Variants in MCM6 observed in about 807,000 individuals in gnomAD.
The protein encoded by MCM6 is minichromosome maintenance complex component 6.
A neutral mutation model predicts 94.3 loss-of-function variants in MCM6; 46 were observed. That is an observed-to-expected ratio of 0.49 (90% confidence interval 0.39 to 0.62). The LOEUF is 0.62. Ranked by LOEUF, MCM6 falls within the 20% of genes least tolerant of loss-of-function variation. MCM6 has a pLI of 0.00. For synonymous variants in MCM6, 335 were observed against 351.9 expected (o/e 0.95, Z 0.54); for missense variants, 865 against 1,017.9 (o/e 0.85, Z 2.04).
chr2:135,854,549 AAAGAG>A (rs1265290445), intron 11 of MCM6, among the ~76,000 whole-genome samples: 1,321 of 24,738 alleles, frequency 0.053, 24 homozygotes, highest in African/African-American at 0.12. Flanking sequence ...AAAAAAAAAA[AAAGAG>A]AAAAAGAAAA....
intron 1 of MCM6, among the ~76,000 whole-genome samples, chr2:135,875,514 C>T (rs567941015): frequency 1.3e-5 from 2 of 152,272 alleles, no homozygotes; most frequent in Admixed American, 1.3e-4. Flanking sequence ...AAAAGCCATT[C>T]CAAACTGCTG....
At chr2:135,857,423 A>T (rs1225477142) in intron 10 of MCM6, among the ~76,000 whole-genome samples, 1 of 152,182 alleles carries the variant, frequency 6.6e-6, no homozygotes, top group Non-Finnish European at 1.5e-5. Context: ...AGATACCTCT[A>T]AGTATCTACT....
chr2:135,862,529 A>T (rs1680015327), intron 8 of MCM6, 78 bp downstream of exon 8: 11 of 1,485,220 alleles, frequency 7.4e-6, no homozygotes, highest in Non-Finnish European at 1.0e-5. Context: ...GGCCATACTG[A>T]CTGCATTCTT....
chr2:135,841,548 A>C (rs1244447065), intron 16 of MCM6, among the ~76,000 whole-genome samples: 1 of 152,230 alleles, frequency 6.6e-6, no homozygotes, highest in African/African-American at 2.4e-5. Flanking sequence ...AGCCAAGCCC[A>C]TAGAAAGGAA....
intron 7 of MCM6, among the ~76,000 whole-genome samples, chr2:135,864,699 G>A (rs960540601): frequency 2.2e-4 from 34 of 152,138 alleles, no homozygotes; most frequent in African/African-American, 8.0e-4. Flanking sequence ...AGTACATTAT[G>A]TTGTATAACT....
At position 135,844,599 on chromosome 2, in the gene MCM6, T is replaced by C. The variant is rs1679636939; in HGVS notation, c.2295A>G (p.Glu765=). 1.3e-6 allele frequency: 2 copies of C among 1,585,336 alleles called. No homozygotes were observed. The highest frequency in any genetic ancestry group is 1.7e-6 in the Non-Finnish European group (2 of 1,167,836). ...CTATGATTCTTTTTTTATTTATAAG[T>C]TCTTCTTCAGAGTCTATCTCTGATT... ...EIESEIDSEE[E]LINKKRIIEK... Residue 765 remains glutamate, a synonymous_variant, in exon 16 of 17, where the codon GAA becomes GAG. Transcript: ENST00000264156.
At position 135,846,246 on chromosome 2, in the gene MCM6, C is replaced by T. The variant is rs149553347; in HGVS notation, c.2200G>A (p.Val734Met). The T allele has an allele frequency of 7.6e-5, 123 of 1,613,980 alleles. No individual in the cohort carries two copies. The African/African-American group carries it at 1.5e-3, about 20-fold the overall frequency. ...ACCAGGTAAGCCTCACCTTCTTCCA[C>T]CTTTCTGAGGTGAAGCACAATAAGG... ...SNLIVLHLRK[V>M]EEEEDESALK... The change falls in exon 15 of 17, where the codon GTG (valine) becomes ATG (methionine). Residue 734 changes from valine to methionine, a missense_variant. Around this residue, in one of 3 missense-constraint regions of MCM6, gnomAD observed 308 missense variants for 324.5 expected, o/e 0.95. Transcript: ENST00000264156.
At chr2:135,845,506 G>A (rs892969464) in intron 15 of MCM6, among the ~76,000 whole-genome samples, 4 of 152,140 alleles carry the variant, frequency 2.6e-5, no homozygotes, top group Non-Finnish European at 5.9e-5. Flanking sequence ...AAGTTCCCAG[G>A]GGAACAAGGG....
chr2:135,875,531 C>T (rs1191747014), intron 1 of MCM6, among the ~76,000 whole-genome samples: 1 of 152,192 alleles, frequency 6.6e-6, no homozygotes, highest in East Asian at 1.9e-4. Flanking sequence ...GCTGACCCTT[C>T]ATCCTGGAGG....
intron 1 of MCM6, among the ~76,000 whole-genome samples, chr2:135,875,786 A>G (rs933722847): frequency 6.6e-6 from 1 of 152,200 alleles, no homozygotes; most frequent in Non-Finnish European, 1.5e-5. Flanking sequence ...TTTCATCAGC[A>G]CAAGAGGCGA....
intron 4 of MCM6, among the ~76,000 whole-genome samples, chr2:135,868,284 T>C (rs997955230): frequency 6.6e-6 from 1 of 152,190 alleles, no homozygotes; most frequent in African/African-American, 2.4e-5. Context: ...CAAATGGAAA[T>C]CTTACACTAA....
rs1299325505 is a variant in MCM6 at position 135,876,397 on chromosome 2, A to G, written c.-32T>C. 2.6e-6 allele frequency: 4 copies of G among 1,538,328 alleles called. No homozygotes were observed. The highest frequency in any genetic ancestry group is 3.9e-5 in the Admixed American group (2 of 51,716). ...TTAGTGCCGAGGATTCGCCTGCGCC[A>G]CGCTCGACCGCCACAAGTCGCTTTT... On this transcript the variant is annotated 5_prime_UTR_variant, in exon 1 of 17. Transcript: ENST00000264156.
intron 11 of MCM6, 131 bp downstream of exon 11, chr2:135,856,597 A>T (rs1196851266): frequency 2.3e-6 from 2 of 865,540 alleles, no homozygotes; most frequent in Non-Finnish European, 3.5e-6. Flanking sequence ...CCTTTGTCCG[A>T]TCCTGTGCCA....
At chr2:135,848,302 C>G in intron 13 of MCM6, 114 bp from the exon 14 acceptor site, 1 of 650,738 alleles carries the variant, frequency 1.5e-6, no homozygotes, top group Non-Finnish European at 2.6e-6. Flanking sequence ...CACACACACT[C>G]TCACAGTGTT....
intron 4 of MCM6, 106 bp downstream of exon 4, chr2:135,868,505 T>C (rs1451514585): frequency 2.6e-6 from 3 of 1,139,754 alleles, no homozygotes; most frequent in Non-Finnish European, 3.8e-6. Context: ...ATGCTTAACT[T>C]ACATAAAAAT....
intron 13 of MCM6, among the ~76,000 whole-genome samples, chr2:135,848,827 G>A (rs1679715621): frequency 6.6e-6 from 1 of 152,188 alleles, no homozygotes; most frequent in South Asian, 2.1e-4. Context: ...AGAGGTTGCA[G>A]TGAGCCGAGA....
chr2:135,868,808 G>A lies in MCM6; in HGVS notation c.418C>T (p.Gln140Ter). 3.7e-6 allele frequency: 6 copies of A among 1,614,140 alleles called. No individual in the cohort carries two copies. The highest frequency in any genetic ancestry group is 5.1e-6 in the Non-Finnish European group (6 of 1,179,998). ...TGAACTGGGTGAGTCCGCACCACCT[G>A]CCCACTGATGCGAGTGAGCAAACCA... ...RIGLLTRISGQVVRTHPVHPE... is the reference protein window; with the variant it reads ...RIGLLTRISG The change falls in exon 4 of 17, where the codon CAG (glutamine) becomes TAG (stop). Residue 140 changes from glutamine (Q) to a stop codon, truncating the protein, a stop_gained. Coordinates refer to ENST00000264156, the MANE Select transcript of MCM6 (RefSeq NM_005915.6). LOFTEE classifies it high-confidence loss of function.
chr2:135,851,501 A>C lies in MCM6; in HGVS notation c.1818T>G (p.Gly606=). 6.2e-7 allele frequency: 1 copy of C among 1,613,682 alleles called. No homozygotes were observed. The highest frequency in any genetic ancestry group is 1.1e-5 in the South Asian group (1 of 90,964). The change falls in exon 13 of 17, where the codon GGT becomes GGG. Residue 606 remains glycine (G), a synonymous_variant. Transcript: ENST00000264156. ...EQYKHLRQRD[G]SGVTKSSWRI... Reference sequence around the variant, plus strand: ...TCCATGAAGACTTGGTCACTCCAGAACCATCTCTCTGGCGGAGATGTTTAT... The same window carrying C: ...TCCATGAAGACTTGGTCACTCCAGACCCATCTCTCTGGCGGAGATGTTTAT...
intron 3 of MCM6, among the ~76,000 whole-genome samples, chr2:135,869,397 T>C (rs1680161318): frequency 7.0e-6 from 1 of 142,268 alleles, no homozygotes; most frequent in African/African-American, 2.7e-5. Flanking sequence ...CAAGACTCTG[T>C]CTCAGAAAAA....
Sources: allele counts gnomAD v4.1 joint callset (sites outside exome capture counted in the v4.1 genomes callset), GRCh38; gene constraint gnomAD v4.1.1; regional missense constraint gnomAD v4.1.1; transcripts MANE v1.5; gene names NCBI Gene and HGNC (gene_info 2026-07-23, HGNC 2026-07-21).